Variants in CWC27 observed in about 807,000 individuals in gnomAD.
CWC27 encodes the protein spliceosome-associated protein CWC27 homolog.
In CWC27, 47 loss-of-function variants were observed where a neutral mutation model predicts 63.6. The observed-to-expected ratio is 0.74, with a 90% CI of 0.58 to 0.94. The LOEUF is 0.94. CWC27 is among the 40% of genes least tolerant of loss of function. CWC27 has a pLI of 0.00. For missense variants in CWC27, 495 were observed against 554.3 expected (o/e 0.89, Z 1.07); for synonymous variants, 175 against 179.8 (o/e 0.97, Z 0.22).
chr5:64,845,082 C>T (rs1745940316), intron 10 of CWC27: 2 of 453,724 alleles, frequency 4.4e-6, no homozygotes, highest in Non-Finnish European at 8.9e-6. Flanking sequence ...CAGAGCCCAG[C>T]CACTGATCTC....
intron 11 of CWC27, among the ~76,000 whole-genome samples, chr5:64,908,899 G>T (rs1038196831): frequency 2.0e-5 from 3 of 152,126 alleles, no homozygotes; most frequent in African/African-American, 7.2e-5. Context: ...GGTTAATATT[G>T]TTATGTGTGA....
chr5:64,778,124 C>T (rs1177259130), intron 2 of CWC27, among the ~76,000 whole-genome samples: 9 of 152,268 alleles, frequency 5.9e-5, no homozygotes, highest in Middle Eastern at 3.4e-3. Context: ...AGACCTCTTT[C>T]ATGTCCTTTT....
chr5:64,983,743 C>G (rs1749368901), intron 13 of CWC27, among the ~76,000 whole-genome samples: 2 of 152,226 alleles, frequency 1.3e-5, no homozygotes, highest in Admixed American at 1.3e-4. Context: ...TTGAAGTGGT[C>G]TGTGACATGG....
intron 7 of CWC27, among the ~76,000 whole-genome samples, chr5:64,792,431 TTCCCACCTGAAATG>T (rs1744117520): frequency 6.6e-6 from 1 of 152,184 alleles, no homozygotes; most frequent in South Asian, 2.1e-4. Flanking sequence ...GATGTTCTTT[TTCCCACCTGAAATG>T]TCCCATCACA....
chr5:64,788,857 G>A (rs933102388), intron 6 of CWC27, 94 bp from the exon 7 acceptor site: 7 of 786,622 alleles, frequency 8.9e-6, no homozygotes, highest in Non-Finnish European at 1.4e-5. Flanking sequence ...ATTTCTTCTT[G>A]TAAATTCTGT....
chr5:64,996,184 A>T lies in CWC27; in HGVS notation c.1256+18946A>T, dbSNP rs556427795. ...CACAAAGAATTGACAAAGTTGCAGA[A>T]GGTATACCATCTTACTTTCTTCTCT... On this transcript the variant is annotated intron_variant, in intron 13 of 13. Coordinates refer to ENST00000381070, the MANE Select transcript of CWC27 (RefSeq NM_005869.4). Among the ~76,000 whole-genome samples, 3 of 152,306 alleles carry T rather than the reference A, an allele frequency of 2.0e-5. No homozygotes were observed. The South Asian group carries it at 6.2e-4, about 32-fold the overall frequency.
chr5:64,902,720 T>C (rs533667620), intron 11 of CWC27, among the ~76,000 whole-genome samples: 1 of 152,176 alleles, frequency 6.6e-6, no homozygotes, highest in Non-Finnish European at 1.5e-5. Flanking sequence ...TCCATGTGAA[T>C]TTTAGGATCA....
At chr5:64,816,047 TGC>T (rs1248575445) in intron 10 of CWC27, among the ~76,000 whole-genome samples, 8 of 152,200 alleles carry the variant, frequency 5.3e-5, no homozygotes, top group African/African-American at 1.9e-4. Flanking sequence ...TCTCTTTTTT[TGC>T]AGCTTTTCTC....
intron 7 of CWC27, among the ~76,000 whole-genome samples, chr5:64,798,143 T>G (rs1269064228): frequency 6.6e-6 from 1 of 152,202 alleles, no homozygotes; most frequent in Non-Finnish European, 1.5e-5. Context: ...TATTCTTGTT[T>G]AAGTTATTTG....
chr5:64,949,580 C>T (rs1290521050), intron 11 of CWC27, among the ~76,000 whole-genome samples: 4 of 152,044 alleles, frequency 2.6e-5, no homozygotes, highest in African/African-American at 7.2e-5. Flanking sequence ...AATGGCATCT[C>T]ATTTCCTGTA....
chr5:64,774,279 C>T (rs1308539171), intron 1 of CWC27, among the ~76,000 whole-genome samples: 1 of 152,102 alleles, frequency 6.6e-6, no homozygotes, highest in East Asian at 1.9e-4. Context: ...ACTCGGCCTC[C>T]CAAATAGCAT....
chr5:64,830,169 T>C (rs1362454368), intron 10 of CWC27, among the ~76,000 whole-genome samples: 2 of 150,880 alleles, frequency 1.3e-5, no homozygotes, highest in African/African-American at 4.9e-5. Flanking sequence ...ATGCTATCCC[T>C]CCCCCGGCCC....
At chr5:64,893,021 C>T (rs1747278480) in intron 11 of CWC27, among the ~76,000 whole-genome samples, 1 of 152,220 alleles carries the variant, frequency 6.6e-6, no homozygotes, top group African/African-American at 2.4e-5. Context: ...TTTGTCCACT[C>T]TTGGAAAGTA....
chr5:64,853,531 A>G (rs1307298882), intron 10 of CWC27, among the ~76,000 whole-genome samples: 1 of 152,208 alleles, frequency 6.6e-6, no homozygotes, highest in Non-Finnish European at 1.5e-5. Flanking sequence ...TGTTGCTATA[A>G]AGAAATATTT....
intron 13 of CWC27, among the ~76,000 whole-genome samples, chr5:64,986,720 T>C (rs2567423): frequency 0.45 from 67,753 of 151,360 alleles, 15,308 homozygotes; most frequent in African/African-American, 0.47. Context: ...AGTTTCTTAC[T>C]GTCATGCTAA....
intron 11 of CWC27, among the ~76,000 whole-genome samples, chr5:64,926,887 G>A (rs192707275): frequency 4.1e-4 from 63 of 152,250 alleles, no homozygotes; most frequent in African/African-American, 1.4e-3. Flanking sequence ...CTATGTAATA[G>A]CAATATTTAT....
intron 10 of CWC27, among the ~76,000 whole-genome samples, chr5:64,871,435 G>C (rs1170924234): frequency 6.6e-6 from 1 of 152,042 alleles, no homozygotes; most frequent in African/African-American, 2.4e-5. Flanking sequence ...GAAGGGAAGT[G>C]GAAGAGAGAG....
At chr5:64,800,501 C>G (rs1744452006) in intron 8 of CWC27, among the ~76,000 whole-genome samples, 174 bp downstream of exon 8, 2 of 152,174 alleles carry the variant, frequency 1.3e-5, no homozygotes, top group South Asian at 2.1e-4. Context: ...TAGAGAGAAA[C>G]AAACGCTCTA....
At chr5:64,921,715 G>A (rs1320376194) in intron 11 of CWC27, among the ~76,000 whole-genome samples, 1 of 152,144 alleles carries the variant, frequency 6.6e-6, no homozygotes, top group African/African-American at 2.4e-5. Flanking sequence ...TTACCTGTGT[G>A]TTATGTAGAC....
Sources: gnomAD v4.1 joint callset for allele counts (sites outside exome capture counted in the v4.1 genomes callset) on GRCh38, gnomAD v4.1.1 for gene constraint, MANE v1.5 for transcripts, NCBI Gene and HGNC (gene_info 2026-07-23, HGNC 2026-07-21) for gene names.